The following CT55 variants were observed in gnomAD, a reference collection of about 807,000 sequenced individuals.
The protein encoded by CT55 is BRCA2-interacting protein.
A neutral mutation model predicts 12.6 loss-of-function variants in CT55; 1 was observed. That is an observed-to-expected ratio of 0.08 (90% CI 0.03 to 0.38). The LOEUF (loss-of-function observed/expected upper bound fraction) is 0.38. Ranked by LOEUF, CT55 falls within the 10% of genes least tolerant of loss-of-function variation. The pLI is 0.99. For synonymous variants in CT55, 43 were observed against 49.7 expected (o/e 0.87, Z 0.57); for missense variants, 109 against 135.4 (o/e 0.80, Z 0.97).
At chrX:135,167,024 T>A (rs1477793051) in intron 2 of CT55, among the ~76,000 whole-genome samples, 2 of 112,057 alleles carry the variant, frequency 1.8e-5, no homozygotes, top group African/African-American at 3.2e-5. Context: ...GTCCGTAACC[T>A]AAAGCAATCT....
chrX:135,162,169 A>G (rs144144425), intron 2 of CT55, among the ~76,000 whole-genome samples: 2,742 of 113,050 alleles, frequency 0.024, 24 homozygotes, highest in Middle Eastern at 0.032. Context: ...AGTAGCCAGT[A>G]GTGAAACAAG....
rs782683493 is a variant in CT55 at position 135,171,053 on chromosome X, G to T, written c.94+25C>A. On this transcript the variant is annotated intron_variant, in intron 1 of 5. Coordinates refer to ENST00000276241, the MANE Select transcript of CT55 (RefSeq NM_001031705.3). ...CTATTGGGAGGCTTCTGGGGTGGGGGACAAGGGGACACACAGAGGAATACC... is the reference window on the plus strand; with the variant it reads ...CTATTGGGAGGCTTCTGGGGTGGGGTACAAGGGGACACACAGAGGAATACC... 3 of 1,208,211 alleles carry T rather than the reference G, an allele frequency of 2.5e-6. No individual in the cohort carries two copies. The South Asian group carries it at 5.3e-5, about 21-fold the overall frequency.
chrX:135,164,086 C>A (rs1277176985), intron 2 of CT55, among the ~76,000 whole-genome samples: 1 of 111,675 alleles, frequency 9.0e-6, no homozygotes, highest in African/African-American at 3.3e-5. Context: ...ATGAGTAATG[C>A]AAAAACATCT....
chrX:135,169,778 C>T lies in CT55; in HGVS notation c.95G>A (p.Gly32Asp). ...CTGCACAGTTGTCAACTGGGTGTCA[C>T]CTACAAGATAAAGAAACAAGGTCAC... ...QGPQQQGLPQ[G>D]DTQLTTVQGV... is the part of the protein sequence containing the mutation. The change falls in exon 2 of 6, where the codon GGT becomes GAT. Residue 32 changes from glycine (G) to aspartate (D), a missense_variant and splice_region_variant. By Grantham distance (94) the Gly-to-Asp change is moderately conservative (BLOSUM62 -1). Transcript: ENST00000276241. 8.4e-7 allele frequency: 1 copy of T among 1,184,511 alleles called. No homozygotes were observed. Among genetic ancestry groups the T allele is most frequent in the African/African-American group, 1.8e-5 (1 of 56,931 alleles).
In CT55 at chrX:135,166,056, A is replaced by C. The variant is rs1359100887; in HGVS notation, c.279+3538T>G. ...TATTCCAAAAAAAAAAAAAAAAAAA[A>C]AAAAAAAACGGACAAGAGACGAACA... On this transcript the variant is annotated intron_variant, in intron 2 of 5. Transcript: ENST00000276241. Among the ~76,000 whole-genome samples, 12 of 90,229 alleles carry C rather than the reference A, an allele frequency of 1.3e-4. 1 individual carries two copies. The highest frequency in any genetic ancestry group is 2.2e-4 in the Non-Finnish European group (9 of 40,729). The allele number at this position is 90,229 out of a possible 115,157, so 78.4% of individuals were successfully genotyped here.
intron 2 of CT55, among the ~76,000 whole-genome samples, chrX:135,167,997 T>C (rs1453448972): frequency 1.8e-5 from 2 of 111,527 alleles, no homozygotes; most frequent in Non-Finnish European, 3.8e-5. Context: ...GTTGGTGGGA[T>C]GTAAATTGTT....
chrX:135,168,823 C>A (rs1297010089), intron 2 of CT55, among the ~76,000 whole-genome samples: 4 of 112,099 alleles, frequency 3.6e-5, no homozygotes, highest in Non-Finnish European at 7.5e-5. Flanking sequence ...GCTTCATACA[C>A]AAACTTTCCT....
chrX:135,169,507 A>G, intron 2 of CT55, 87 bp downstream of exon 2: 1 of 738,108 alleles, frequency 1.4e-6, no homozygotes, highest in Non-Finnish European at 2.0e-6. Context: ...ATCACAGCAG[A>G]GATGTCGGAT....
At chrX:135,159,925 A>AACAAC (rs782392456) in intron 3 of CT55, among the ~76,000 whole-genome samples, 2 of 105,433 alleles carry the variant, frequency 1.9e-5, no homozygotes, top group African/African-American at 6.9e-5. Context: ...ATTCAACAAC[A>AACAAC]ACACACACAC....
intron 3 of CT55, among the ~76,000 whole-genome samples, chrX:135,159,731 C>A (rs1271290219): frequency 9.0e-6 from 1 of 111,683 alleles, no homozygotes; most frequent in Non-Finnish European, 1.9e-5. Context: ...CATCGTCAAA[C>A]AAAATGCAGG....
chrX:135,162,666 G>C (rs1264566936), intron 2 of CT55, among the ~76,000 whole-genome samples: 9 of 111,511 alleles, frequency 8.1e-5, no homozygotes, highest in African/African-American at 2.9e-4. Flanking sequence ...AGAGACAGTA[G>C]CAAGCATAGG....
At chrX:135,166,697 A>G (rs1556406079) in intron 2 of CT55, among the ~76,000 whole-genome samples, 1 of 111,790 alleles carries the variant, frequency 8.9e-6, no homozygotes, top group Non-Finnish European at 1.9e-5. Flanking sequence ...TGTTACTTAT[A>G]AATAACCCTG....
chrX:135,158,206 G>A lies in CT55; in HGVS notation c.530C>T (p.Thr177Met), dbSNP rs142030219. Reference protein sequence around the residue: ...TSVKPIRCIHTEEVCITSVHG... With the variant: ...TSVKPIRCIHMEEVCITSVHG... ...CAACAGGAAAGAAATTACCTCTTCC[G>A]TATGAATACAACGGATGGGCTTCAC... Residue 177 changes from threonine to methionine, a missense_variant, in exon 4 of 6, where the codon ACG (threonine) becomes ATG (methionine). Coordinates refer to ENST00000276241, the MANE Select transcript of CT55 (RefSeq NM_001031705.3). The A allele has an allele frequency of 7.8e-4, 916 of 1,178,786 alleles. 2 individuals carry two copies. Among genetic ancestry groups the A allele is most frequent in the Non-Finnish European group, 4.1e-4 (357 of 867,176 alleles).
chrX:135,161,482 G>A (rs73633414), intron 2 of CT55, among the ~76,000 whole-genome samples: 5,421 of 111,837 alleles, frequency 0.048, 221 homozygotes, highest in African/African-American at 0.13. Context: ...AATTAGCATG[G>A]TATTCAGTGT....
intron 3 of CT55, among the ~76,000 whole-genome samples, chrX:135,159,463 A>C (rs781983092): frequency 9.0e-6 from 1 of 111,086 alleles, no homozygotes; most frequent in African/African-American, 3.3e-5. Context: ...CCACTCTCAC[A>C]ACTGCTCAAA....
intron 2 of CT55, among the ~76,000 whole-genome samples, chrX:135,164,379 C>T (rs1556405621): frequency 1.8e-5 from 2 of 111,735 alleles, no homozygotes; most frequent in Non-Finnish European, 3.8e-5. Flanking sequence ...GATTATGTTT[C>T]CGTAAGCCTC....
chrX:135,168,914 T>C (rs1556406371), intron 2 of CT55, among the ~76,000 whole-genome samples: 2 of 112,292 alleles, frequency 1.8e-5, no homozygotes, highest in Non-Finnish European at 3.8e-5. Flanking sequence ...TAAAACTTAC[T>C]GTAATCTCAT....
chrX:135,171,494 G>A (rs1348603878), upstream of CT55: 5 of 216,164 alleles, frequency 2.3e-5, no homozygotes, highest in Admixed American at 3.6e-4. Context: ...AAAAGGCGAT[G>A]GGTGGGAACA....
chrX:135,158,171 C>A (rs373445068), intron 4 of CT55, 28 bp downstream of exon 4: 53 of 973,387 alleles, frequency 5.4e-5, no homozygotes, highest in Admixed American at 3.8e-4. Context: ...GCAGAAACTG[C>A]TGACGGGAGC....
Sources: allele counts gnomAD v4.1 joint callset (sites outside exome capture counted in the v4.1 genomes callset), GRCh38; gene constraint gnomAD v4.1.1; transcripts MANE v1.5; gene names NCBI Gene and HGNC (gene_info 2026-07-23, HGNC 2026-07-21).